The following ABTB3 variants were observed in gnomAD, a reference collection of about 807,000 sequenced individuals.
ABTB3 encodes the protein ankyrin repeat- and BTB/POZ domain-containing protein 3.
At chr12:107,575,573 G>T in the ABTB3 span, among the ~76,000 whole-genome samples, 1 of 152,030 alleles carries the variant, frequency 6.6e-6, no homozygotes, top group Admixed American at 6.6e-5. Flanking sequence ...GTATAGGCAG[G>T]GTTGGTTCTT....
the ABTB3 span, among the ~76,000 whole-genome samples, chr12:107,548,391 A>G: frequency 6.6e-6 from 1 of 152,234 alleles, no homozygotes; most frequent in Admixed American, 6.5e-5. Context: ...GGATTATTTT[A>G]TGCCTCAAAC....
At chr12:107,631,418 G>A in the ABTB3 span, among the ~76,000 whole-genome samples, 1 of 152,216 alleles carries the variant, frequency 6.6e-6, no homozygotes, top group Non-Finnish European at 1.5e-5. Context: ...ACATGTGAGT[G>A]CAGGTAGGGT....
the ABTB3 span, among the ~76,000 whole-genome samples, chr12:107,433,740 A>C: frequency 6.6e-6 from 1 of 152,188 alleles, no homozygotes; most frequent in African/African-American, 2.4e-5. Flanking sequence ...TAAGATAGCC[A>C]ATAAAGGGGT....
chr12:107,438,353 A>C, the ABTB3 span, among the ~76,000 whole-genome samples: 22 of 152,308 alleles, frequency 1.4e-4, no homozygotes, highest in African/African-American at 4.3e-4. Flanking sequence ...TTTTCAGGCC[A>C]CAGAAACAAG....
At chr12:107,440,347 C>T in the ABTB3 span, among the ~76,000 whole-genome samples, 1 of 152,242 alleles carries the variant, frequency 6.6e-6, no homozygotes, top group African/African-American at 2.4e-5. Context: ...GCCGACTTCC[C>T]AGGGCATCTG....
chr12:107,523,537 C>T, the ABTB3 span, among the ~76,000 whole-genome samples: 1 of 152,148 alleles, frequency 6.6e-6, no homozygotes, highest in African/African-American at 2.4e-5. Flanking sequence ...TATTTTTAAT[C>T]TCAATTGTGA....
At chr12:107,484,010 C>A in the ABTB3 span, among the ~76,000 whole-genome samples, 1 of 152,150 alleles carries the variant, frequency 6.6e-6, no homozygotes, top group African/African-American at 2.4e-5. Flanking sequence ...TATTTTTAAT[C>A]CATTCCAATC....
chr12:107,558,508 A>C, the ABTB3 span, among the ~76,000 whole-genome samples: 1 of 152,158 alleles, frequency 6.6e-6, no homozygotes, highest in African/African-American at 2.4e-5. Flanking sequence ...TGCAGGTGTC[A>C]TGGGGGCCTT....
At chr12:107,511,970 G>A in the ABTB3 span, among the ~76,000 whole-genome samples, 1 of 152,122 alleles carries the variant, frequency 6.6e-6, no homozygotes, top group Admixed American at 6.5e-5. Context: ...GGGGTTTTAA[G>A]GATGTCCATT....
chr12:107,644,364 C>A, the ABTB3 span, among the ~76,000 whole-genome samples: 4 of 152,146 alleles, frequency 2.6e-5, no homozygotes, highest in Admixed American at 2.6e-4. Context: ...ATACATCAGA[C>A]CAATTAAATC....
chr12:107,496,899 A>G, the ABTB3 span, among the ~76,000 whole-genome samples: 1 of 152,060 alleles, frequency 6.6e-6, no homozygotes, highest in Admixed American at 6.5e-5. Context: ...TTGTACCGTG[A>G]TTATTGTTTC....
At chr12:107,327,216 A>G in the ABTB3 span, among the ~76,000 whole-genome samples, 1 of 152,226 alleles carries the variant, frequency 6.6e-6, no homozygotes, top group Non-Finnish European at 1.5e-5. Flanking sequence ...CTAATATGCC[A>G]GTAGCCACAC....
At chr12:107,459,320 T>C in the ABTB3 span, among the ~76,000 whole-genome samples, 1 of 152,188 alleles carries the variant, frequency 6.6e-6, no homozygotes, top group African/African-American at 2.4e-5. Flanking sequence ...GGTAAATTCA[T>C]TCATTTGTGA....
At chr12:107,611,270 T>A in the ABTB3 span, among the ~76,000 whole-genome samples, 1 of 152,230 alleles carries the variant, frequency 6.6e-6, no homozygotes, top group Non-Finnish European at 1.5e-5. Context: ...GGCCTTGAAC[T>A]CTTAGGCTCA....
At chr12:107,625,395 G>A in the ABTB3 span, among the ~76,000 whole-genome samples, 1 of 152,164 alleles carries the variant, frequency 6.6e-6, no homozygotes, top group Non-Finnish European at 1.5e-5. Context: ...AAATCTGGAT[G>A]TTTTCTGAGG....
chr12:107,643,773 TGA>T, the ABTB3 span, among the ~76,000 whole-genome samples: 23 of 137,136 alleles, frequency 1.7e-4, no homozygotes, highest in African/African-American at 1.8e-4. Context: ...TTTTTTTTGT[TGA>T]GAGAGAGAGA....
At chr12:107,599,080 G>A in the ABTB3 span, among the ~76,000 whole-genome samples, 3 of 152,172 alleles carry the variant, frequency 2.0e-5, no homozygotes, top group African/African-American at 7.2e-5. Context: ...GTTGTTTCAA[G>A]GCCACCATGA....
At chr12:107,618,626 A>G in the ABTB3 span, among the ~76,000 whole-genome samples, 2 of 152,122 alleles carry the variant, frequency 1.3e-5, no homozygotes, top group Non-Finnish European at 2.9e-5. Context: ...TCCTCAGACC[A>G]TCTTTCCATG....
At chr12:107,561,888 T>A in the ABTB3 span, among the ~76,000 whole-genome samples, 1 of 152,234 alleles carries the variant, frequency 6.6e-6, no homozygotes, top group Non-Finnish European at 1.5e-5. Flanking sequence ...TCTGCCTCCC[T>A]GGTCCAGACT....
Sources: gnomAD v4.1 joint callset for allele counts (sites outside exome capture counted in the v4.1 genomes callset) on GRCh38, gnomAD v4.1.1 for gene constraint, MANE v1.5 for transcripts, NCBI Gene and HGNC (gene_info 2026-07-23, HGNC 2026-07-21) for gene names.